Variants in DLG2 observed in about 807,000 individuals in gnomAD.
DLG2 encodes the protein discs large MAGUK scaffold protein 2.
A neutral mutation model predicts 132.5 loss-of-function variants in DLG2; 45 were observed. The ratio of observed to expected loss-of-function variants is 0.34; its 90% confidence interval spans 0.27 to 0.44. The LOEUF is 0.44. Among genes scored for constraint, DLG2 ranks in the 20% least tolerant of loss-of-function variants. DLG2 has a pLI of 1.00. For missense variants in DLG2, 1,045 were observed against 1,196.9 expected (o/e 0.87, Z 1.87); for synonymous variants, 424 against 419.6 (o/e 1.01, Z -0.13).
At chr11:83,482,862 A>G (rs553702991) in intron 22 of DLG2, among the ~76,000 whole-genome samples, 1 of 152,222 alleles carries the variant, frequency 6.6e-6, no homozygotes, top group South Asian at 2.1e-4. Flanking sequence ...AGAAGAAAGA[A>G]CATAAAGTAC....
intron 7 of DLG2, among the ~76,000 whole-genome samples, chr11:84,498,423 C>G (rs1373150418): frequency 6.6e-6 from 1 of 152,094 alleles, no homozygotes; most frequent in Non-Finnish European, 1.5e-5. Context: ...CATCTTCTAA[C>G]TGAGATGTCA....
chr11:84,867,870 G>T (rs765472600), intron 6 of DLG2, among the ~76,000 whole-genome samples: 1 of 151,984 alleles, frequency 6.6e-6, no homozygotes, highest in East Asian at 1.9e-4. Context: ...GTCAGGAGAT[G>T]GAGACCATCC....
At chr11:83,631,242 T>G (rs1211728483) in intron 19 of DLG2, 1 of 151,446 alleles carries the variant, frequency 6.6e-6, no homozygotes, top group Non-Finnish European at 1.5e-5. Context: ...TGTAAGTTCT[T>G]TCTTTCTGAT....
At chr11:83,674,970 G>A (rs566709172) in intron 18 of DLG2, among the ~76,000 whole-genome samples, 1 of 152,230 alleles carries the variant, frequency 6.6e-6, no homozygotes, top group African/African-American at 2.4e-5. Flanking sequence ...TTTTATCATT[G>A]CATTTGGATG....
chr11:84,711,015 T>G (rs569896062), intron 6 of DLG2, among the ~76,000 whole-genome samples: 16 of 87,310 alleles, frequency 1.8e-4, no homozygotes, highest in African/African-American at 5.5e-4. Flanking sequence ...TATAGATATA[T>G]ATATATATAT....
intron 3 of DLG2, among the ~76,000 whole-genome samples, chr11:85,298,533 A>G (rs1296734947): frequency 6.6e-6 from 1 of 152,162 alleles, no homozygotes; most frequent in Non-Finnish European, 1.5e-5. Flanking sequence ...AGAAAAAAGT[A>G]AAAGCTGAGA....
intron 6 of DLG2, among the ~76,000 whole-genome samples, chr11:84,935,339 T>C (rs754905142): frequency 1.3e-5 from 2 of 152,214 alleles, no homozygotes; most frequent in African/African-American, 2.4e-5. Context: ...TCATTCTCTG[T>C]TCCTCACAAG....
intron 15 of DLG2, among the ~76,000 whole-genome samples, chr11:83,884,214 C>A (rs1455486666): frequency 6.6e-6 from 1 of 152,160 alleles, no homozygotes; most frequent in Non-Finnish European, 1.5e-5. Context: ...ACAGATGGCA[C>A]CTGGAAAATC....
chr11:85,018,626 C>G (rs1399996798), intron 6 of DLG2, among the ~76,000 whole-genome samples: 1 of 152,118 alleles, frequency 6.6e-6, no homozygotes, highest in Non-Finnish European at 1.5e-5. Flanking sequence ...CTCACACTCT[C>G]TCATCCCACA....
At chr11:85,043,761 T>TGCC (rs2062069364) in intron 6 of DLG2, among the ~76,000 whole-genome samples, 1 of 151,942 alleles carries the variant, frequency 6.6e-6, no homozygotes, top group African/African-American at 2.4e-5. Flanking sequence ...CTATTTTTAA[T>TGCC]AGAAAATTAC....
chr11:84,065,152 G>C (rs1331660224), intron 10 of DLG2, among the ~76,000 whole-genome samples: 1 of 152,074 alleles, frequency 6.6e-6, no homozygotes, highest in Non-Finnish European at 1.5e-5. Flanking sequence ...TTTGGACATA[G>C]GACCTGGCAA....
At chr11:85,285,599 G>T (rs2078504057) in intron 3 of DLG2, among the ~76,000 whole-genome samples, 1 of 151,956 alleles carries the variant, frequency 6.6e-6, no homozygotes, top group Non-Finnish European at 1.5e-5. Context: ...CCTTCAAAAA[G>T]TGAATAAACT....
chr11:84,033,324 C>T (rs187802164), intron 11 of DLG2, among the ~76,000 whole-genome samples: 4 of 152,240 alleles, frequency 2.6e-5, no homozygotes, highest in Admixed American at 2.6e-4. Context: ...CCAACTCTTA[C>T]AGATGACTTT....
intron 11 of DLG2, among the ~76,000 whole-genome samples, chr11:84,051,684 T>C (rs915847854): frequency 4.7e-5 from 7 of 150,132 alleles, no homozygotes; most frequent in Non-Finnish European, 7.4e-5. Context: ...AATGACGAGT[T>C]ACTGGGTGCA....
chr11:83,606,198 G>T (rs2059308491), intron 19 of DLG2, among the ~76,000 whole-genome samples: 1 of 152,148 alleles, frequency 6.6e-6, no homozygotes, highest in African/African-American at 2.4e-5. Context: ...GAGGTTAAAA[G>T]GTAGTCAGTA....
At chr11:83,974,387 T>A (rs1374485374) in intron 12 of DLG2, among the ~76,000 whole-genome samples, 1 of 152,080 alleles carries the variant, frequency 6.6e-6, no homozygotes, top group African/African-American at 2.4e-5. Flanking sequence ...CTAGGATATT[T>A]ATTTTCAAAT....
chr11:85,324,719 A>T (rs1054465426), intron 3 of DLG2, among the ~76,000 whole-genome samples: 1 of 151,986 alleles, frequency 6.6e-6, no homozygotes, highest in African/African-American at 2.4e-5. Context: ...TTTTTAGGTG[A>T]CTGAAAAACG....
intron 18 of DLG2, among the ~76,000 whole-genome samples, chr11:83,747,722 G>GT (rs946188102): frequency 2.0e-5 from 3 of 151,832 alleles, no homozygotes; most frequent in Non-Finnish European, 4.4e-5. Context: ...AGCATATTTA[G>GT]TTTTTATGGT....
At chr11:85,551,650 A>G (rs1461254670) in intron 3 of DLG2, among the ~76,000 whole-genome samples, 1 of 152,068 alleles carries the variant, frequency 6.6e-6, no homozygotes, top group Non-Finnish European at 1.5e-5. Context: ...TTTAGCTGAA[A>G]TGGTATTGAT....
Sources: allele counts gnomAD v4.1 joint callset (sites outside exome capture counted in the v4.1 genomes callset), GRCh38; gene constraint gnomAD v4.1.1; transcripts MANE v1.5; gene names NCBI Gene and HGNC (gene_info 2026-07-23, HGNC 2026-07-21).